EPHB2: variants seen among roughly 807,000 people sequenced by gnomAD.
EPHB2 encodes the protein ephrin type-B receptor 2.
Under a neutral mutation model 96.4 loss-of-function variants are expected in EPHB2, and 18 were observed. The ratio of observed to expected loss-of-function variants is 0.19; its 90% CI spans 0.13 to 0.28. EPHB2 has a LOEUF of 0.28. Ranked by LOEUF, EPHB2 falls within the 10% of genes least tolerant of loss-of-function variation. The pLI is 1.00. For synonymous variants in EPHB2, 506 were observed against 534.1 expected, an observed-to-expected ratio of 0.95 and a Z score of 0.72; for missense variants, 989 against 1,355.4, an observed-to-expected ratio of 0.73 and a Z score of 4.25.
intron 1 of EPHB2, among the ~76,000 whole-genome samples, chr1:22,770,928 AT>A (rs1454584171): frequency 1.3e-5 from 2 of 152,116 alleles, no homozygotes; most frequent in African/African-American, 4.8e-5. Context: ...ACAATAATCA[AT>A]TATCGCATGG....
chr1:22,783,421 C>A (rs1415923123), intron 2 of EPHB2, among the ~76,000 whole-genome samples: 1 of 152,200 alleles, frequency 6.6e-6, no homozygotes, highest in African/African-American at 2.4e-5. Flanking sequence ...TTTCCCTCAG[C>A]AAGCTCTCAG....
chr1:22,711,230 G>T (rs912918473), intron 1 of EPHB2, among the ~76,000 whole-genome samples, 187 bp downstream of exon 1: 7 of 146,982 alleles, frequency 4.8e-5, no homozygotes, highest in Non-Finnish European at 1.1e-4. Flanking sequence ...CCCGGGGAGC[G>T]GCGGGCGCTG....
intron 14 of EPHB2, among the ~76,000 whole-genome samples, 178 bp from the exon 15 acceptor site, chr1:22,912,266 A>G (rs1464031045): frequency 1.3e-5 from 2 of 152,188 alleles, no homozygotes; most frequent in African/African-American, 2.4e-5. Context: ...ATGTTTCCAC[A>G]GGTTCAAACC....
Position 22,886,783 on chromosome 1 carries a change from T to A in EPHB2, c.1428+4300T>A, listed in dbSNP as rs183379024. On this transcript the variant is annotated intron_variant, in intron 6 of 15. Transcript: ENST00000374630. ...CTGGAATTACAGGCATGCACCACCA[T>A]GCCCGGCTAATTTTGTATTTTAAGT... Among the ~76,000 whole-genome samples, 727 of 152,054 alleles carry A rather than the reference T, an allele frequency of 4.8e-3. 5 individuals carry two copies. Among genetic ancestry groups the A allele is most frequent in the African/African-American group, 0.017 (694 of 41,436 alleles).
intron 13 of EPHB2, 84 bp from the exon 14 acceptor site, chr1:22,910,298 G>A: frequency 6.4e-7 from 1 of 1,556,338 alleles, no homozygotes; most frequent in South Asian, 1.1e-5. Flanking sequence ...GACGTGCAAT[G>A]TACTGGGGGT....
intron 3 of EPHB2, among the ~76,000 whole-genome samples, chr1:22,789,713 G>C (rs1335912476): frequency 2.0e-5 from 3 of 152,228 alleles, no homozygotes; most frequent in Non-Finnish European, 4.4e-5. Context: ...TGAGTGGGTG[G>C]ATAGGAGAAG....
At chr1:22,885,525 G>A (rs551303458) in intron 6 of EPHB2, among the ~76,000 whole-genome samples, 3 of 152,252 alleles carry the variant, frequency 2.0e-5, no homozygotes, top group Admixed American at 6.5e-5. Flanking sequence ...TGCTAAGCAC[G>A]TCACCTCTAG....
chr1:22,762,716 G>T (rs575159041), intron 1 of EPHB2, among the ~76,000 whole-genome samples: 32 of 152,332 alleles, frequency 2.1e-4, no homozygotes, highest in African/African-American at 6.5e-4. Context: ...CAAGCACTTA[G>T]CTTGGTGCCT....
intron 2 of EPHB2, among the ~76,000 whole-genome samples, chr1:22,783,246 A>C (rs12751340): frequency 1.3e-5 from 2 of 152,204 alleles, no homozygotes; most frequent in East Asian, 3.9e-4. Context: ...GTCTAACCAT[A>C]CAGACCATGT....
intron 3 of EPHB2, among the ~76,000 whole-genome samples, chr1:22,855,936 C>T (rs1645691580): frequency 6.6e-6 from 1 of 152,202 alleles, no homozygotes; most frequent in South Asian, 2.1e-4. Flanking sequence ...AGACCTCCTG[C>T]TCAGGTCTGG....
At chr1:22,746,869 A>AC (rs76511653) in intron 1 of EPHB2, among the ~76,000 whole-genome samples, 8 of 151,676 alleles carry the variant, frequency 5.3e-5, no homozygotes, top group Admixed American at 2.0e-4. Flanking sequence ...CTGACCTGTG[A>AC]CCCCCCGGGG....
At chr1:22,862,964 G>T in intron 3 of EPHB2, 73 bp from the exon 4 acceptor site, 2 of 1,602,220 alleles carry the variant, frequency 1.2e-6, no homozygotes, top group Non-Finnish European at 1.7e-6. Context: ...GCCCCTCCGT[G>T]AGGCTGCGTG....
chr1:22,720,150 G>A (rs1297610214), intron 1 of EPHB2, among the ~76,000 whole-genome samples: 2 of 152,118 alleles, frequency 1.3e-5, no homozygotes, highest in African/African-American at 4.8e-5. Flanking sequence ...CTCCCAAGAT[G>A]GTGAAATGGA....
chr1:22,761,252 T>C (rs949195410), intron 1 of EPHB2, among the ~76,000 whole-genome samples: 1 of 152,166 alleles, frequency 6.6e-6, no homozygotes, highest in Non-Finnish European at 1.5e-5. Context: ...GTTCAAAGTG[T>C]GACAGATTAT....
chr1:22,755,265 G>A (rs1291877256), intron 1 of EPHB2, among the ~76,000 whole-genome samples: 1 of 152,152 alleles, frequency 6.6e-6, no homozygotes, highest in Non-Finnish European at 1.5e-5. Context: ...GGGACTTGGC[G>A]AGGGCGTGGA....
At chr1:22,747,425 T>A (rs1004537009) in intron 1 of EPHB2, among the ~76,000 whole-genome samples, 2 of 152,246 alleles carry the variant, frequency 1.3e-5, no homozygotes, top group Non-Finnish European at 2.9e-5. Flanking sequence ...GGTCTGTTGA[T>A]GCCAGACCAA....
intron 1 of EPHB2, among the ~76,000 whole-genome samples, chr1:22,772,413 A>C (rs1347938518): frequency 2.0e-5 from 3 of 152,214 alleles, no homozygotes; most frequent in Non-Finnish European, 4.4e-5. Flanking sequence ...GGTGTGTGCT[A>C]TGAGAGTCCT....
At chr1:22,835,449 T>G (rs1307135570) in intron 3 of EPHB2, among the ~76,000 whole-genome samples, 1 of 152,182 alleles carries the variant, frequency 6.6e-6, no homozygotes, top group East Asian at 1.9e-4. Context: ...CACACATATG[T>G]GTACAGAGAC....
chr1:22,750,345 C>T (rs757469710), intron 1 of EPHB2, among the ~76,000 whole-genome samples: 117 of 152,174 alleles, frequency 7.7e-4, no homozygotes, highest in Admixed American at 3.1e-3. Context: ...TGCTGAGGCC[C>T]GGACCCTTCT....
Sources: allele counts gnomAD v4.1 joint callset (sites outside exome capture counted in the v4.1 genomes callset), GRCh38; gene constraint gnomAD v4.1.1; transcripts MANE v1.5; gene names NCBI Gene and HGNC (gene_info 2026-07-23, HGNC 2026-07-21).